The following CCDC73 variants were observed in gnomAD, a reference collection of about 807,000 sequenced individuals.
CCDC73 encodes the protein coiled-coil domain containing 73, also known as coiled-coil domain-containing protein 73.
In CCDC73, 95 loss-of-function variants were observed where a neutral mutation model predicts 116.5. That is an observed-to-expected ratio of 0.82 (90% CI 0.69 to 0.97). CCDC73 has a LOEUF of 0.97. CCDC73 is among the 50% of genes least tolerant of loss of function. The pLI, the probability that CCDC73 is intolerant of heterozygous loss-of-function variation, is 0.00. For synonymous variants in CCDC73, 398 were observed against 401.3 expected (o/e 0.99, Z 0.10); for missense variants, 1,066 against 1,206.8 (o/e 0.88, Z 1.73).
At chr11:32,657,640 A>G (rs866966761) in intron 9 of CCDC73, among the ~76,000 whole-genome samples, 14 of 152,176 alleles carry the variant, frequency 9.2e-5, no homozygotes, top group Middle Eastern at 3.4e-3. Context: ...AGGTACTAGT[A>G]GATCAGTAGG....
At chr11:32,801,039 G>A in the CCDC73 span, among the ~76,000 whole-genome samples, 3 of 152,278 alleles carry the variant, frequency 2.0e-5, no homozygotes, top group Non-Finnish European at 4.4e-5. Flanking sequence ...CCCTCCTCCA[G>A]TGTTGGCTCC....
chr11:32,646,276 T>TC (rs1855778115), intron 12 of CCDC73, among the ~76,000 whole-genome samples: 1 of 152,212 alleles, frequency 6.6e-6, no homozygotes, highest in Non-Finnish European at 1.5e-5. Context: ...AATTAGGTTA[T>TC]CTCTGAGGAT....
intron 9 of CCDC73, 22 bp from the exon 10 acceptor site, chr11:32,654,994 C>G: frequency 6.4e-7 from 1 of 1,573,226 alleles, no homozygotes; most frequent in East Asian, 2.3e-5. Flanking sequence ...ACATATCAAA[C>G]AGAAAATTCA....
intron 9 of CCDC73, among the ~76,000 whole-genome samples, chr11:32,658,140 C>T (rs1319756278): frequency 6.6e-6 from 1 of 152,186 alleles, no homozygotes; most frequent in African/African-American, 2.4e-5. Flanking sequence ...CTTATCTCTT[C>T]AGGTACAGGT....
At chr11:32,827,794 G>T in the CCDC73 span, among the ~76,000 whole-genome samples, 1 of 152,210 alleles carries the variant, frequency 6.6e-6, no homozygotes, top group Non-Finnish European at 1.5e-5. Flanking sequence ...GTCTCAGTCA[G>T]ATTAAGTTCT....
At chr11:32,715,498 G>GCA (rs35260107) in intron 3 of CCDC73, among the ~76,000 whole-genome samples, 67,510 of 148,394 alleles carry the variant, frequency 0.45, 16,384 homozygotes, top group East Asian at 0.69. Flanking sequence ...TGATACACAC[G>GCA]CACACACACA....
At chr11:32,780,132 G>T (rs1189845017) in intron 1 of CCDC73, among the ~76,000 whole-genome samples, 1 of 151,976 alleles carries the variant, frequency 6.6e-6, no homozygotes, top group Non-Finnish European at 1.5e-5. Context: ...AAATTAGCTA[G>T]GTATGATGGC....
chr11:32,672,968 T>C (rs1856052948), intron 9 of CCDC73, among the ~76,000 whole-genome samples: 1 of 152,158 alleles, frequency 6.6e-6, no homozygotes, highest in African/African-American at 2.4e-5. Context: ...AAGATATACA[T>C]ATCACAGTCA....
At chr11:32,784,022 G>C (rs1850605222) in intron 1 of CCDC73, among the ~76,000 whole-genome samples, 1 of 152,238 alleles carries the variant, frequency 6.6e-6, no homozygotes, top group East Asian at 1.9e-4. Flanking sequence ...GGTTGAATTA[G>C]TAATTAATAC....
chr11:32,736,263 T>C (rs2133351393), intron 2 of CCDC73, among the ~76,000 whole-genome samples: 1 of 152,306 alleles, frequency 6.6e-6, no homozygotes, highest in South Asian at 2.1e-4. Flanking sequence ...TCTACTCATC[T>C]GACAAAGGGC....
In CCDC73 at chr11:32,614,812, G is replaced by C; in HGVS notation, c.1506C>G (p.Thr502=). The change falls in exon 16 of 18, where the codon ACC becomes ACG. Residue 502 remains threonine, a synonymous_variant. Transcript: ENST00000335185. ...ATTTTCTGTTGTCCGTAACATTCGA[G>C]GTTTGTCCTTGACTAATTACTTCTT... ...LDKEVISQGQ[T]SNVTDNRKSV... 1.2e-6 allele frequency: 2 copies of C among 1,613,206 alleles called. No homozygotes were observed. Among genetic ancestry groups the C allele is most frequent in the Admixed American group, 1.7e-5 (1 of 59,972 alleles).
rs758834566 is a variant in CCDC73, at chr11:32,614,292, T to A, written c.2026A>T (p.Ile676Leu). The A allele has an allele frequency of 7.4e-6, 12 of 1,613,218 alleles. No individual in the cohort carries two copies. The highest frequency in any genetic ancestry group is 1.3e-5 in the African/African-American group (1 of 74,884). ...QLLTKKSECS[I>L]LLSKQTSDFL... Reference sequence around the variant, plus strand: ...TCTGAAGTTTGTTTAGAAAGTAATATGCTGCACTCACTTTTTTTAGTTAAC... The same window carrying A: ...TCTGAAGTTTGTTTAGAAAGTAATAAGCTGCACTCACTTTTTTTAGTTAAC... The change falls in exon 16 of 18, where the codon ATA becomes TTA. Residue 676 changes from isoleucine (I) to leucine (L), a missense_variant. By Grantham distance (5) the Ile-to-Leu change is conservative. Coordinates refer to ENST00000335185, the MANE Select transcript of CCDC73 (RefSeq NM_001008391.4).
chr11:32,697,334 A>G (rs1431278149), intron 6 of CCDC73, among the ~76,000 whole-genome samples: 1 of 152,056 alleles, frequency 6.6e-6, no homozygotes, highest in African/African-American at 2.4e-5. Flanking sequence ...TATACCTAGT[A>G]TAATAATTCA....
chr11:32,821,666 G>T, the CCDC73 span, among the ~76,000 whole-genome samples: 1 of 152,118 alleles, frequency 6.6e-6, no homozygotes, highest in Non-Finnish European at 1.5e-5. Flanking sequence ...CTCTTCATAA[G>T]TCATAGGGTA....
intron 2 of CCDC73, among the ~76,000 whole-genome samples, chr11:32,742,388 G>A (rs1850196142): frequency 6.6e-6 from 1 of 152,134 alleles, no homozygotes; most frequent in Admixed American, 6.6e-5. Flanking sequence ...GCTTTGATTT[G>A]CATTTCTCTA....
At chr11:32,808,062 A>G in the CCDC73 span, among the ~76,000 whole-genome samples, 1 of 152,240 alleles carries the variant, frequency 6.6e-6, no homozygotes, top group Non-Finnish European at 1.5e-5. Context: ...TTGTATTTAA[A>G]ACATGATTCC....
rs1467438273 is a variant in CCDC73 at position 32,614,767 on chromosome 11, T to G, written c.1551A>C (p.Lys517Asn). Residue 517 changes from lysine (K) to asparagine (N), a missense_variant, in exon 16 of 18, where the codon AAA becomes AAC. By Grantham distance (94) the Lys-to-Asn change is moderately conservative (BLOSUM62 0). Coordinates refer to ENST00000335185, the MANE Select transcript of CCDC73 (RefSeq NM_001008391.4). ...TGTCTTTTTCCAAGCATATCTTGTCTTTTATTTCTGTAGTAACTGATTTTC... is the reference window on the plus strand; with the variant it reads ...TGTCTTTTTCCAAGCATATCTTGTCGTTTATTTCTGTAGTAACTGATTTTC... ...DNRKSVTTEI[K>N]DKICLEKDNG... The G allele has an allele frequency of 6.2e-7, 1 of 1,613,208 alleles. No homozygotes were observed. Among genetic ancestry groups the G allele is most frequent in the Non-Finnish European group, 8.5e-7 (1 of 1,179,650 alleles).
chr11:32,645,470 T>C lies in CCDC73; in HGVS notation c.940-3388A>G, dbSNP rs141716887. Among the ~76,000 whole-genome samples the C allele has an allele frequency of 7.1e-3, 1,083 of 152,138 alleles. 16 individuals carry two copies. Among genetic ancestry groups the C allele is most frequent in the African/African-American group, 0.025 (1,044 of 41,524 alleles). Reference sequence around the variant, plus strand: ...CCACACTGGCTAATTTTTGTATTTTTAGTAGAGACGGGGTTTCACCATGTT... The same window carrying C: ...CCACACTGGCTAATTTTTGTATTTTCAGTAGAGACGGGGTTTCACCATGTT... On this transcript the variant is annotated intron_variant, in intron 12 of 17. Coordinates refer to ENST00000335185, the MANE Select transcript of CCDC73 (RefSeq NM_001008391.4).
chr11:32,656,949 AAAAT>A (rs1379999965), intron 9 of CCDC73, among the ~76,000 whole-genome samples: 1 of 152,222 alleles, frequency 6.6e-6, no homozygotes, highest in Non-Finnish European at 1.5e-5. Context: ...TATTTTTCGT[AAAAT>A]AAAAACATTT....
Sources: allele counts gnomAD v4.1 joint callset (sites outside exome capture counted in the v4.1 genomes callset), GRCh38; gene constraint gnomAD v4.1.1; transcripts MANE v1.5; gene names NCBI Gene and HGNC (gene_info 2026-07-23, HGNC 2026-07-21).